Variants in PIK3C2G observed in about 807,000 individuals in gnomAD.
PIK3C2G encodes phosphatidylinositol 3-kinase C2 domain-containing subunit gamma.
Under a neutral mutation model 181.1 loss-of-function variants are expected in PIK3C2G, and 168 were observed. That is an observed-to-expected ratio of 0.93 (90% CI 0.82 to 1.05). The LOEUF is 1.05. Among genes scored for constraint, PIK3C2G ranks in the 50% least tolerant of loss-of-function variants. The pLI is 0.00. For synonymous variants in PIK3C2G, 573 were observed against 592.2 expected, an observed-to-expected ratio of 0.97 and a Z score of 0.47; for missense variants, 1,869 against 1,732.8, an observed-to-expected ratio of 1.08 and a Z score of -1.40.
At chr12:18,670,115 T>C in the PIK3C2G span, among the ~76,000 whole-genome samples, 1 of 152,166 alleles carries the variant, frequency 6.6e-6, no homozygotes, top group African/African-American at 2.4e-5. Context: ...TGGGAATGTT[T>C]GGAGAGGACA....
At chr12:18,333,444 C>A (rs1036878899) in intron 8 of PIK3C2G, among the ~76,000 whole-genome samples, 1 of 152,088 alleles carries the variant, frequency 6.6e-6, no homozygotes, top group South Asian at 2.1e-4. Flanking sequence ...TCTAACCCCC[C>A]ACCCACCGAC....
chr12:18,659,389 T>C, the PIK3C2G span, among the ~76,000 whole-genome samples: 4 of 152,246 alleles, frequency 2.6e-5, no homozygotes, highest in South Asian at 2.1e-4. Context: ...GTTCCCTAAA[T>C]CACTTGGGAT....
At position 18,648,023 on chromosome 12, in the gene PIK3C2G, A is replaced by C. The variant is rs777988049; in HGVS notation, c.4456A>C (p.Ile1486Leu). The change falls in exon 33 of 33, where the codon ATT becomes CTT. Residue 1486 changes from isoleucine to leucine, a missense_variant. Transcript: ENST00000538779. ...ATGGTATCCATTAGGAAACAGTATA[A>C]TTTGACCATTGCTATGAACATATGC... is the stretch of plus-strand genomic sequence containing the variant. ...EKWYPLGNSII is the reference protein window; with the variant it reads ...EKWYPLGNSIL 1.4e-5 allele frequency: 22 copies of C among 1,585,850 alleles called. No individual in the cohort carries two copies. Among genetic ancestry groups the C allele is most frequent in the Non-Finnish European group, 1.1e-5 (13 of 1,164,718 alleles).
chr12:18,690,326 C>T, the PIK3C2G span, among the ~76,000 whole-genome samples: 60 of 152,170 alleles, frequency 3.9e-4, no homozygotes, highest in East Asian at 1.9e-3. Flanking sequence ...TGGATTCAAG[C>T]GATTCTTCTG....
At chr12:18,342,842 T>C (rs1248507569) in intron 9 of PIK3C2G, among the ~76,000 whole-genome samples, 1 of 152,152 alleles carries the variant, frequency 6.6e-6, no homozygotes, top group Middle Eastern at 3.4e-3. Context: ...TTTTTTCAAG[T>C]GTTAGACTAT....
At chr12:18,664,687 G>T in the PIK3C2G span, among the ~76,000 whole-genome samples, 1 of 151,836 alleles carries the variant, frequency 6.6e-6, no homozygotes, top group South Asian at 2.1e-4. Flanking sequence ...AAATCATGCT[G>T]CTATAAAGAC....
rs1402082341 is a variant in PIK3C2G, at chr12:18,261,572, C to A, written c.-84C>A. ...GTGTTTCATTTCAGGAAGATATATG[C>A]GTCAGGTAAGAAACTAAAACAAATA... On this transcript the variant is annotated 5_prime_UTR_variant, in exon 1 of 33. Transcript: ENST00000538779. 6.6e-6 allele frequency: 1 copy of A among 151,982 alleles called. No homozygotes were observed. Among genetic ancestry groups the A allele is most frequent in the Non-Finnish European group, 1.5e-5 (1 of 67,976 alleles). 9.4% of individuals were successfully genotyped at this position (151,982 alleles called of 1,614,324 possible). A position where few individuals can be genotyped will look rare whatever the true frequency, so the allele number is the denominator to read the frequency against.
In PIK3C2G at chr12:18,443,675, C is replaced by T. The variant is rs1018056802; in HGVS notation, c.2504+19636C>T. On this transcript the variant is annotated intron_variant, in intron 18 of 32. Transcript: ENST00000538779. ...AATGGGACCTAATGAACAGAAAATT[C>T]TTTCACGGAAAAGTGATACCATGAT... Among the ~76,000 whole-genome samples the T allele has an allele frequency of 2.0e-5, 3 of 152,180 alleles. No individual in the cohort carries two copies. In the East Asian group the frequency reaches 5.8e-4, roughly 29 times the overall value.
intron 15 of PIK3C2G, 95 bp downstream of exon 15, chr12:18,391,347 C>T: frequency 1.1e-6 from 1 of 870,562 alleles, no homozygotes; most frequent in Non-Finnish European, 1.6e-6. Flanking sequence ...AGTGAGTGTT[C>T]CTTCCTACAT....
chr12:18,246,564 G>C (rs1948042286), upstream of PIK3C2G, among the ~76,000 whole-genome samples: 1 of 152,080 alleles, frequency 6.6e-6, no homozygotes, highest in African/African-American at 2.4e-5. Flanking sequence ...CTCCAAGCAA[G>C]TTCCATTTTC....
chr12:18,363,853 C>A (rs747843662), intron 12 of PIK3C2G, among the ~76,000 whole-genome samples: 6 of 152,140 alleles, frequency 3.9e-5, no homozygotes, highest in Non-Finnish European at 8.8e-5. Context: ...TCTCGCATAC[C>A]TCATGGCCCC....
At chr12:18,726,065 G>C in the PIK3C2G span, among the ~76,000 whole-genome samples, 1 of 152,080 alleles carries the variant, frequency 6.6e-6, no homozygotes, top group Non-Finnish European at 1.5e-5. Context: ...AAAAGTGCCT[G>C]ACTGAAGATA....
At chr12:18,494,471 C>CT (rs1258953436) in intron 20 of PIK3C2G, among the ~76,000 whole-genome samples, 1 of 151,748 alleles carries the variant, frequency 6.6e-6, no homozygotes, top group Non-Finnish European at 1.5e-5. Flanking sequence ...TGTAGTGTTT[C>CT]TTTTTTTAGC....
At chr12:18,490,960 C>T (rs1940510776) in intron 19 of PIK3C2G, among the ~76,000 whole-genome samples, 1 of 152,240 alleles carries the variant, frequency 6.6e-6, no homozygotes. Flanking sequence ...TCATTTCTGA[C>T]AGCATTATGC....
At chr12:18,245,010 T>C (rs566707186), upstream of PIK3C2G, among the ~76,000 whole-genome samples, 6 of 152,258 alleles carry the variant, frequency 3.9e-5, no homozygotes, top group East Asian at 9.6e-4. Flanking sequence ...TGTAAAGATG[T>C]ATTTTTATTC....
chr12:18,585,638 T>C (rs777555306), intron 29 of PIK3C2G, among the ~76,000 whole-genome samples: 3 of 152,242 alleles, frequency 2.0e-5, no homozygotes, highest in South Asian at 2.1e-4. Context: ...AGACAGATCA[T>C]TGAGGCAGAA....
At chr12:18,401,621 G>A (rs952306762) in intron 16 of PIK3C2G, among the ~76,000 whole-genome samples, 3 of 152,000 alleles carry the variant, frequency 2.0e-5, no homozygotes, top group African/African-American at 7.2e-5. Flanking sequence ...TATCTGACAA[G>A]GAAATTTTAT....
chr12:18,698,394 C>A, the PIK3C2G span, among the ~76,000 whole-genome samples: 5 of 151,978 alleles, frequency 3.3e-5, no homozygotes, highest in African/African-American at 1.2e-4. Flanking sequence ...TTGGTTACAA[C>A]ACACAGGTTA....
upstream of PIK3C2G, among the ~76,000 whole-genome samples, chr12:18,247,044 C>T (rs1948047564): frequency 6.6e-6 from 1 of 152,104 alleles, no homozygotes; most frequent in Non-Finnish European, 1.5e-5. Context: ...TACTCAAATT[C>T]TATAAATTTT....
Sources: gnomAD v4.1 joint callset for allele counts (sites outside exome capture counted in the v4.1 genomes callset) on GRCh38, gnomAD v4.1.1 for gene constraint, MANE v1.5 for transcripts, NCBI Gene and HGNC (gene_info 2026-07-23, HGNC 2026-07-21) for gene names.